The following ITGA1 variants were observed in gnomAD, a reference collection of about 807,000 sequenced individuals.
ITGA1 encodes the protein integrin subunit alpha 1.
A neutral mutation model predicts 145.9 loss-of-function variants in ITGA1; 85 were observed. The ratio of observed to expected loss-of-function variants is 0.58; its 90% CI spans 0.49 to 0.70. The LOEUF (loss-of-function observed/expected upper bound fraction) is 0.70. Ranked by LOEUF, ITGA1 falls within the 30% of genes least tolerant of loss-of-function variation. ITGA1 has a pLI of 0.00. For synonymous variants in ITGA1, 520 were observed against 495.3 expected, an observed-to-expected ratio of 1.05 and a Z score of -0.66; for missense variants, 1,351 against 1,418.7, an observed-to-expected ratio of 0.95 and a Z score of 0.77.
intron 11 of ITGA1, chr5:52,903,517 T>C (rs553988059): frequency 2.6e-5 from 4 of 152,306 alleles, no homozygotes; most frequent in South Asian, 2.1e-4. Flanking sequence ...TAAAGGATAA[T>C]ATGCCTGAGG....
chr5:52,843,836 A>C (rs1226329910), intron 1 of ITGA1, among the ~76,000 whole-genome samples: 1 of 152,180 alleles, frequency 6.6e-6, no homozygotes, highest in Non-Finnish European at 1.5e-5. Context: ...CTTTTGGCAA[A>C]TCACTCAACC....
intron 2 of ITGA1, among the ~76,000 whole-genome samples, chr5:52,856,946 A>G (rs2111764058): frequency 6.6e-6 from 1 of 152,284 alleles, no homozygotes; most frequent in African/African-American, 2.4e-5. Context: ...GCTGTCAGCT[A>G]AAGCACCAAT....
intron 6 of ITGA1, among the ~76,000 whole-genome samples, chr5:52,868,267 A>G (rs978037261): frequency 1.3e-5 from 2 of 152,196 alleles, no homozygotes; most frequent in Non-Finnish European, 1.5e-5. Context: ...ATTTGTAGCT[A>G]TTTGTGAAAA....
At chr5:52,800,770 G>C (rs766144124) in intron 1 of ITGA1, 2 of 1,614,146 alleles carry the variant, frequency 1.2e-6, no homozygotes, top group South Asian at 1.1e-5. Context: ...GGAGCGCATC[G>C]AGCAGGCCTG....
rs953829613 is a variant in ITGA1 at position 52,955,807 on chromosome 5, A to G, written c.*3356A>G. ...CTATTTTCCTCTGAGCACTAGATTCATGGGCAATTTAATCTCTGAATATTT... is the reference window on the plus strand; with the variant it reads ...CTATTTTCCTCTGAGCACTAGATTCGTGGGCAATTTAATCTCTGAATATTT... On this transcript the variant is annotated 3_prime_UTR_variant, in exon 29 of 29. Coordinates refer to ENST00000282588, the MANE Select transcript of ITGA1 (RefSeq NM_181501.2). The G allele has an allele frequency of 6.6e-6, 1 of 152,162 alleles. No homozygotes were observed. Among genetic ancestry groups the G allele is most frequent in the African/African-American group, 2.4e-5 (1 of 41,422 alleles). 9.4% of individuals were successfully genotyped at this position (152,162 alleles called of 1,614,324 possible). A position where few individuals can be genotyped will look rare whatever the true frequency, so the allele number is the denominator to read the frequency against.
At position 52,898,331 on chromosome 5, in the gene ITGA1, A is replaced by C; in HGVS notation, c.1257A>C (p.Thr419=). 2 of 1,611,596 alleles carry C rather than the reference A, an allele frequency of 1.2e-6. No homozygotes were observed. The highest frequency in any genetic ancestry group is 1.7e-6 in the Non-Finnish European group (2 of 1,178,316). ...KASQIIIPRN[T]TFNVESTKKN... ...GTCAAATCATAATCCCTCGAAACAC[A>C]ACCTTTAATGTTGAGTCTACCAAAA... The change falls in exon 11 of 29, where the codon ACA becomes ACC. Residue 419 remains threonine (T), a synonymous_variant. Transcript: ENST00000282588.
intron 1 of ITGA1, among the ~76,000 whole-genome samples, chr5:52,827,453 C>G (rs1012288333): frequency 6.6e-6 from 1 of 152,166 alleles, no homozygotes; most frequent in East Asian, 1.9e-4. Context: ...TAAACTTAGA[C>G]GATAAAGCAA....
At chr5:52,846,268 TGTCAGGCACCTGTAATCTCA>T (rs1749334251) in intron 1 of ITGA1, among the ~76,000 whole-genome samples, 2 of 152,260 alleles carry the variant, frequency 1.3e-5, no homozygotes, top group South Asian at 4.1e-4. Flanking sequence ...CCAAACGTGG[TGTCAGGCACCTGTAATCTCA>T]GCTACTCAAG....
intron 1 of ITGA1, among the ~76,000 whole-genome samples, chr5:52,841,267 A>G (rs905926015): frequency 6.6e-6 from 1 of 152,162 alleles, no homozygotes; most frequent in Non-Finnish European, 1.5e-5. Context: ...TGAGTTGGAT[A>G]TATTATTTTT....
At chr5:52,865,108 C>T (rs1255409110) in intron 5 of ITGA1, 26 bp downstream of exon 5, 2 of 1,524,804 alleles carry the variant, frequency 1.3e-6, no homozygotes, top group East Asian at 4.5e-5. Flanking sequence ...AATGTTCTTG[C>T]ATGTTTGAAA....
chr5:52,797,246 A>G (rs1421213869), intron 1 of ITGA1, among the ~76,000 whole-genome samples: 1 of 152,108 alleles, frequency 6.6e-6, no homozygotes, highest in African/African-American at 2.4e-5. Flanking sequence ...GAAAGATTTT[A>G]TAGTATACTG....
Position 52,905,879 on chromosome 5 carries a change from A to G in ITGA1, c.1426A>G (p.Lys476Glu), listed in dbSNP as rs1259000170. 33 of 1,613,268 alleles carry G rather than the reference A, an allele frequency of 2.0e-5. No individual in the cohort carries two copies. Among genetic ancestry groups the G allele is most frequent in the Non-Finnish European group, 2.8e-5 (33 of 1,179,540 alleles). ...CTACAGGATGGAAGATGGAAACATC[A>G]AAATTCTCCAGACGCTCAGTGGAGA... is the stretch of plus-strand genomic sequence containing the variant. ...IIYRMEDGNI[K>E]ILQTLSGEQI... The change falls in exon 12 of 29, where the codon AAA becomes GAA. Residue 476 changes from lysine (K) to glutamate (E), a missense_variant. Coordinates refer to ENST00000282588, the MANE Select transcript of ITGA1 (RefSeq NM_181501.2).
chr5:52,897,338 T>C (rs1579704881), intron 9 of ITGA1, 117 bp from the exon 10 acceptor site: 1 of 681,914 alleles, frequency 1.5e-6, no homozygotes, highest in Non-Finnish European at 2.5e-6. Context: ...TGCCCTAAGA[T>C]GTTTGAAGTT....
rs1473671026 is a variant in ITGA1 at position 52,836,581 on chromosome 5, C to T, written c.62-12784C>T. 2.0e-5 allele frequency among the ~76,000 whole-genome samples: 3 copies of T among 152,124 alleles called. No individual in the cohort carries two copies. The East Asian group carries it at 5.8e-4, about 29-fold the overall frequency. ...ATCACCCTTGGCCAGATTTCCGCCA[C>T]TTGGTTGTTCATTTTGCCTACCTCT... On this transcript the variant is annotated intron_variant, in intron 1 of 28. Transcript: ENST00000282588.
intron 1 of ITGA1, among the ~76,000 whole-genome samples, chr5:52,827,558 A>T (rs1035085854): frequency 6.6e-6 from 1 of 152,230 alleles, no homozygotes; most frequent in African/African-American, 2.4e-5. Context: ...ATCATTAGAT[A>T]TTCAACCGTG....
intron 2 of ITGA1, among the ~76,000 whole-genome samples, chr5:52,850,368 G>T (rs1749411080): frequency 6.6e-6 from 1 of 152,054 alleles, no homozygotes; most frequent in African/African-American, 2.4e-5. Context: ...GAGTTCTTTT[G>T]CTTAATATTT....
rs1410390729 is a variant in ITGA1, at chr5:52,864,736, C to T, written c.296-27C>T. 6 of 1,409,892 alleles carry T rather than the reference C, an allele frequency of 4.3e-6. No homozygotes were observed. In the East Asian group the frequency reaches 1.4e-4, roughly 32 times the overall value. The allele number at this position is 1,409,892 out of a possible 1,614,324, so 87.3% of individuals were successfully genotyped here. On this transcript the variant is annotated intron_variant, in intron 3 of 28. Transcript: ENST00000282588. Reference sequence around the variant, plus strand: ...ATTTCACTTTGTGAAACTTTTCCTCCCTCATAAAATTTTGTTCTATTTTTA... The same window carrying T: ...ATTTCACTTTGTGAAACTTTTCCTCTCTCATAAAATTTTGTTCTATTTTTA...
chr5:52,819,238 G>T (rs1193409494), intron 1 of ITGA1, among the ~76,000 whole-genome samples: 1 of 152,190 alleles, frequency 6.6e-6, no homozygotes, highest in Non-Finnish European at 1.5e-5. Flanking sequence ...TTCCACAATG[G>T]TTGAACTAGT....
At chr5:52,805,022 G>A (rs1383631538) in intron 1 of ITGA1, among the ~76,000 whole-genome samples, 1 of 152,122 alleles carries the variant, frequency 6.6e-6, no homozygotes, top group Non-Finnish European at 1.5e-5. Context: ...TAGATGTGGG[G>A]AGGACAAACA....
Sources: gnomAD v4.1 joint callset for allele counts (sites outside exome capture counted in the v4.1 genomes callset) on GRCh38, gnomAD v4.1.1 for gene constraint, MANE v1.5 for transcripts, NCBI Gene and HGNC (gene_info 2026-07-23, HGNC 2026-07-21) for gene names.